The following CEP112 variants were observed in gnomAD, a reference collection of about 807,000 sequenced individuals.
CEP112 encodes the protein centrosomal protein 112, also known as centrosomal protein of 112 kDa.
A neutral mutation model predicts 153.0 loss-of-function variants in CEP112; 127 were observed. The observed-to-expected ratio is 0.83, with a 90% CI of 0.72 to 0.96. CEP112 has a LOEUF of 0.96. Among genes scored for constraint, CEP112 ranks in the 40% least tolerant of loss-of-function variants. The probability of loss-of-function intolerance (pLI) is 0.00; values close to 1 mark genes in which losing one functional copy is unlikely to be tolerated. For synonymous variants in CEP112, 358 were observed against 374.4 expected, an observed-to-expected ratio of 0.96 and a Z score of 0.51; for missense variants, 1,089 against 1,101.2, an observed-to-expected ratio of 0.99 and a Z score of 0.16.
chr17:65,913,340 T>C (rs750978821), intron 19 of CEP112: 2 of 213,104 alleles, frequency 9.4e-6, no homozygotes, highest in Non-Finnish European at 1.6e-5. Context: ...CTTCACTATA[T>C]GAGAAAAGCT....
In CEP112 at chr17:65,982,561, A is replaced by G. The variant is rs904095767; in HGVS notation, c.1737-20963T>C. Among the ~76,000 whole-genome samples, 11 of 152,348 alleles carry G rather than the reference A, an allele frequency of 7.2e-5. No homozygotes were observed. The East Asian group carries it at 1.7e-3, about 24-fold the overall frequency. On this transcript the variant is annotated intron_variant, in intron 17 of 26. Coordinates refer to ENST00000535342, the MANE Select transcript of CEP112 (RefSeq NM_001199165.4). The stretch of plus-strand genomic sequence containing the variant: ...CTGGAAACCCTTTAAATAATTTTCA[A>G]TGGCTTTTCTCCTTTTGTGGGCGAT...
chr17:66,050,414 A>T (rs1353934589), intron 12 of CEP112, among the ~76,000 whole-genome samples: 9 of 152,156 alleles, frequency 5.9e-5, no homozygotes, highest in Admixed American at 2.6e-4. Flanking sequence ...TGCCATGGTA[A>T]AAACCTCAAC....
At chr17:65,891,325 A>T (rs2059457114) in intron 20 of CEP112, among the ~76,000 whole-genome samples, 1 of 152,122 alleles carries the variant, frequency 6.6e-6, no homozygotes, top group Admixed American at 6.5e-5. Flanking sequence ...CTCAGTTCGC[A>T]TCTCTGGAAT....
intron 24 of CEP112, among the ~76,000 whole-genome samples, chr17:65,677,652 C>T (rs1004658656): frequency 5.3e-5 from 8 of 152,164 alleles, no homozygotes; most frequent in African/African-American, 1.9e-4. Context: ...GTGGTTCACG[C>T]CTGTAATCCC....
chr17:66,133,025 C>T (rs767476649), intron 4 of CEP112, among the ~76,000 whole-genome samples: 14 of 150,632 alleles, frequency 9.3e-5, no homozygotes, highest in Non-Finnish European at 1.9e-4. Flanking sequence ...GGAGACAGTG[C>T]GAGACTCATC....
intron 21 of CEP112, among the ~76,000 whole-genome samples, chr17:65,777,300 G>C (rs916767090): frequency 1.3e-5 from 2 of 152,310 alleles, no homozygotes; most frequent in African/African-American, 4.8e-5. Flanking sequence ...CTGAATGTGA[G>C]AGAAATAAAC....
intron 24 of CEP112, among the ~76,000 whole-genome samples, chr17:65,665,810 G>A (rs1395337517): frequency 6.6e-6 from 1 of 151,966 alleles, no homozygotes; most frequent in Non-Finnish European, 1.5e-5. Context: ...TATTTGACTG[G>A]GGCTGAGATT....
chr17:65,780,712 G>A (rs1216242050), intron 21 of CEP112, among the ~76,000 whole-genome samples: 1 of 152,042 alleles, frequency 6.6e-6, no homozygotes, highest in African/African-American at 2.4e-5. Flanking sequence ...ATTTACATGA[G>A]TGGCCATTCT....
chr17:65,713,686 A>G (rs912932518), intron 23 of CEP112, among the ~76,000 whole-genome samples: 6 of 152,104 alleles, frequency 3.9e-5, no homozygotes, highest in African/African-American at 1.4e-4. Flanking sequence ...TGCTGGGTTC[A>G]CACCATTCTC....
chr17:65,970,454 ATG>A (rs1468515691), intron 17 of CEP112, among the ~76,000 whole-genome samples: 1 of 99,196 alleles, frequency 1.0e-5, no homozygotes, highest in Non-Finnish European at 2.1e-5. Context: ...TGTATATTAC[ATG>A]CATGCACACA....
intron 24 of CEP112, among the ~76,000 whole-genome samples, chr17:65,668,312 T>C (rs1408957843): frequency 2.6e-5 from 4 of 152,200 alleles, no homozygotes; most frequent in African/African-American, 9.6e-5. Context: ...AAAACATCTC[T>C]GCCCTGCTCC....
chr17:66,049,224 ATATGCGTAAGAG>A (rs58948164), intron 12 of CEP112, among the ~76,000 whole-genome samples: 62,210 of 151,712 alleles, frequency 0.41, 14,188 homozygotes, highest in East Asian at 0.87. Flanking sequence ...GTTTTCCCCA[ATATGCGTAAGAG>A]TAACTTATAA....
At chr17:66,128,732 A>G (rs1734452041) in intron 6 of CEP112, among the ~76,000 whole-genome samples, 1 of 152,236 alleles carries the variant, frequency 6.6e-6, no homozygotes, top group South Asian at 2.1e-4. Flanking sequence ...ATGTCCAAAA[A>G]TAGCAGAACA....
At chr17:66,104,919 G>A (rs915042284) in intron 6 of CEP112, among the ~76,000 whole-genome samples, 25 of 152,162 alleles carry the variant, frequency 1.6e-4, no homozygotes, top group African/African-American at 6.0e-4. Context: ...ACATTAATGT[G>A]CAATAATGAA....
chr17:65,710,136 G>A (rs1036848997), intron 23 of CEP112, among the ~76,000 whole-genome samples: 1 of 152,150 alleles, frequency 6.6e-6, no homozygotes, highest in African/African-American at 2.4e-5. Context: ...CCCTTCATGA[G>A]GGTCCTACAG....
chr17:65,719,953 G>A (rs967153812), intron 23 of CEP112, among the ~76,000 whole-genome samples: 4 of 152,264 alleles, frequency 2.6e-5, no homozygotes, highest in African/African-American at 4.8e-5. Context: ...GCCTGGGGGC[G>A]GGAGCCTGTT....
At chr17:66,186,336 T>C (rs138896397) in intron 1 of CEP112, among the ~76,000 whole-genome samples, 5,193 of 152,208 alleles carry the variant, frequency 0.034, 133 homozygotes, top group Middle Eastern at 0.061. Flanking sequence ...GAATCTCACT[T>C]TGTAACCCAG....
At chr17:66,178,060 T>C (rs2072562515) in intron 2 of CEP112, among the ~76,000 whole-genome samples, 1 of 152,170 alleles carries the variant, frequency 6.6e-6, no homozygotes. Context: ...CTGATTTCCT[T>C]TCTTTGGGGT....
At chr17:65,679,356 T>G (rs1162314358) in intron 24 of CEP112, among the ~76,000 whole-genome samples, 2 of 152,168 alleles carry the variant, frequency 1.3e-5, no homozygotes, top group East Asian at 3.9e-4. Flanking sequence ...CTGTGGTTAT[T>G]AAAATTACTC....
Sources: gnomAD v4.1 joint callset for allele counts (sites outside exome capture counted in the v4.1 genomes callset) on GRCh38, gnomAD v4.1.1 for gene constraint, MANE v1.5 for transcripts, NCBI Gene and HGNC (gene_info 2026-07-23, HGNC 2026-07-21) for gene names.